Variants in ATP8B4 observed in about 807,000 individuals in gnomAD.
The protein encoded by ATP8B4 is ATPase phospholipid transporting 8B4 (putative).
A neutral mutation model predicts 145.6 loss-of-function variants in ATP8B4; 133 were observed. The ratio of observed to expected loss-of-function variants is 0.91; its 90% confidence interval spans 0.79 to 1.05. The LOEUF (loss-of-function observed/expected upper bound fraction) is 1.05. Among genes scored for constraint, ATP8B4 ranks in the 50% least tolerant of loss-of-function variants. The pLI, the probability that ATP8B4 is intolerant of heterozygous loss-of-function variation, is 0.00. For missense variants in ATP8B4, 1,458 were observed against 1,425.2 expected, an observed-to-expected ratio of 1.02 and a Z score of -0.37; for synonymous variants, 507 against 492.9, an observed-to-expected ratio of 1.03 and a Z score of -0.38.
Position 49,972,580 on chromosome 15 carries a change from A to G in ATP8B4, c.1243+2T>C. The G allele has an allele frequency of 6.2e-7, 1 of 1,610,568 alleles. No homozygotes were observed. Among genetic ancestry groups the G allele is most frequent in the African/African-American group, 1.3e-5 (1 of 74,940 alleles). On this transcript the variant is annotated splice_donor_variant, in intron 13 of 27. Coordinates refer to ENST00000284509, the MANE Select transcript of ATP8B4 (RefSeq NM_024837.4). LOFTEE classifies it high-confidence loss of function. ...TTAAGAGAAAGGAACTGTTTCTCTT[A>G]CCATAGATTCTCCCATTAATGGAAC...
chr15:50,007,728 C>T (rs930740589), intron 7 of ATP8B4, among the ~76,000 whole-genome samples: 1 of 152,118 alleles, frequency 6.6e-6, no homozygotes, highest in Admixed American at 6.5e-5. Flanking sequence ...CGAATATAAG[C>T]TCTCTGAAGC....
At chr15:50,019,983 A>ATT (rs1488119944) in intron 6 of ATP8B4, among the ~76,000 whole-genome samples, 1 of 151,384 alleles carries the variant, frequency 6.6e-6, no homozygotes, top group African/African-American at 2.4e-5. Flanking sequence ...TTTTTTTTGA[A>ATT]ACAGGGTCTC....
At chr15:50,115,148 C>T (rs2057126349) in intron 1 of ATP8B4, among the ~76,000 whole-genome samples, 1 of 152,102 alleles carries the variant, frequency 6.6e-6, no homozygotes, top group Admixed American at 6.5e-5. Flanking sequence ...AGTTTGAGAC[C>T]AGTCTGGGAA....
At chr15:49,893,194 T>C (rs1035848170) in intron 23 of ATP8B4, among the ~76,000 whole-genome samples, 1 of 152,214 alleles carries the variant, frequency 6.6e-6, no homozygotes. Flanking sequence ...TGGAGTCAAA[T>C]ATAGTAGTGT....
In ATP8B4 at chr15:49,858,690, G is replaced by C. The variant is rs552870917; in HGVS notation, c.*1504C>G. On this transcript the variant is annotated 3_prime_UTR_variant, in exon 28 of 28. Transcript: ENST00000284509. Reference sequence around the variant, plus strand: ...GATGCTTTATTTTTGCTTTCTGGTAGAGAAATGTACCTCCACGGTTATAAT... The same window carrying C: ...GATGCTTTATTTTTGCTTTCTGGTACAGAAATGTACCTCCACGGTTATAAT... 6.6e-6 allele frequency: 1 copy of C among 152,200 alleles called. No homozygotes were observed. The highest frequency in any genetic ancestry group is 1.5e-5 in the Non-Finnish European group (1 of 68,028). The allele number at this position is 152,200 out of a possible 1,614,324, so 9.4% of individuals were successfully genotyped here. A position where few individuals can be genotyped will look rare whatever the true frequency, so the allele number is the denominator to read the frequency against.
intron 18 of ATP8B4, 148 bp downstream of exon 18, chr15:49,920,098 G>T: frequency 9.1e-7 from 1 of 1,100,038 alleles, no homozygotes; most frequent in Non-Finnish European, 1.3e-6. Context: ...AAAACTCAAA[G>T]CCAACATATA....
chr15:50,044,595 T>C lies in ATP8B4; in HGVS notation c.299A>G (p.Tyr100Cys), dbSNP rs2051576079. The C allele has an allele frequency of 6.2e-7, 1 of 1,601,108 alleles. No individual in the cohort carries two copies. The highest frequency in any genetic ancestry group is 8.6e-7 in the Non-Finnish European group (1 of 1,169,150). Residue 100 changes from tyrosine (Y) to cysteine (C), a missense_variant and splice_region_variant, in exon 5 of 28, where the codon TAT (tyrosine) becomes TGT (cysteine). Coordinates refer to ENST00000284509, the MANE Select transcript of ATP8B4 (RefSeq NM_024837.4). ...MTAVKDATDD[Y>C]FRHKSDNQVN... ...GAATGCTCAAGAGCAAATACTCACATAGTCATCTGTGGCATCTTTGACAGC... is the reference window on the plus strand; with the variant it reads ...GAATGCTCAAGAGCAAATACTCACACAGTCATCTGTGGCATCTTTGACAGC...
intron 3 of ATP8B4, among the ~76,000 whole-genome samples, chr15:50,059,376 C>A (rs2052841076): frequency 6.6e-6 from 1 of 152,142 alleles, no homozygotes; most frequent in Admixed American, 6.6e-5. Context: ...TTCTAAGTAC[C>A]AGGCTTCAGG....
At chr15:50,024,105 C>T (rs1233248964) in intron 6 of ATP8B4, among the ~76,000 whole-genome samples, 1 of 152,160 alleles carries the variant, frequency 6.6e-6, no homozygotes, top group East Asian at 1.9e-4. Context: ...AGTTATGCAT[C>T]TAGCAGTTTA....
chr15:49,901,607 AT>A (rs1435692305), intron 20 of ATP8B4, among the ~76,000 whole-genome samples: 8 of 152,232 alleles, frequency 5.3e-5, no homozygotes, highest in African/African-American at 1.4e-4. Context: ...ATGCTGTTAA[AT>A]AATGGAAAGC....
chr15:50,069,073 A>C (rs2053563867), intron 3 of ATP8B4, among the ~76,000 whole-genome samples: 1 of 152,126 alleles, frequency 6.6e-6, no homozygotes, highest in African/African-American at 2.4e-5. Context: ...TCTATTATTC[A>C]TTCCTATTAT....
At chr15:50,109,947 A>G (rs1472698622) in intron 1 of ATP8B4, among the ~76,000 whole-genome samples, 1 of 152,188 alleles carries the variant, frequency 6.6e-6, no homozygotes, top group Non-Finnish European at 1.5e-5. Context: ...AAGCAATGTC[A>G]TATTCTTCCA....
intron 1 of ATP8B4, among the ~76,000 whole-genome samples, chr15:50,171,761 A>T (rs555260940): frequency 2.0e-5 from 3 of 152,174 alleles, no homozygotes; most frequent in Admixed American, 1.3e-4. Flanking sequence ...TACAAAGAAT[A>T]CATGAAACAA....
intron 2 of ATP8B4, among the ~76,000 whole-genome samples, chr15:50,085,877 T>TTATATATTTATATATGATATATATAA (rs1567330279): frequency 2.9e-5 from 1 of 34,720 alleles, no homozygotes; most frequent in East Asian, 1.0e-3. Context: ...TCATATATAT[T>TTATATATTTATATATGATATATATAA]TATATATTTA....
At chr15:50,081,363 T>C (rs1026897070) in intron 2 of ATP8B4, among the ~76,000 whole-genome samples, 13 of 151,980 alleles carry the variant, frequency 8.6e-5, no homozygotes, top group Non-Finnish European at 1.9e-4. Flanking sequence ...AAATAGTAAA[T>C]GGGCAAAAAA....
chr15:49,953,194 C>T (rs1213320137), intron 14 of ATP8B4, among the ~76,000 whole-genome samples: 7 of 151,794 alleles, frequency 4.6e-5, no homozygotes, highest in Non-Finnish European at 8.8e-5. Context: ...AGCTGGGTGG[C>T]ATGGGGAGCA....
At chr15:50,009,453 G>T (rs985751019) in intron 7 of ATP8B4, 5 of 252,770 alleles carry the variant, frequency 2.0e-5, no homozygotes, top group Non-Finnish European at 3.2e-5. Context: ...AGCATGGAAC[G>T]GATTTTTGAG....
At chr15:49,874,736 C>A (rs1199764892) in intron 25 of ATP8B4, among the ~76,000 whole-genome samples, 1 of 152,106 alleles carries the variant, frequency 6.6e-6, no homozygotes, top group African/African-American at 2.4e-5. Flanking sequence ...CAAGAAGTCA[C>A]TTGAAGCTTT....
At chr15:50,146,770 A>G (rs2044282730) in intron 1 of ATP8B4, among the ~76,000 whole-genome samples, 1 of 152,226 alleles carries the variant, frequency 6.6e-6, no homozygotes, top group East Asian at 1.9e-4. Flanking sequence ...AAGGGGAAAC[A>G]GGGATCCTCC....
Sources: allele counts gnomAD v4.1 joint callset (sites outside exome capture counted in the v4.1 genomes callset), GRCh38; gene constraint gnomAD v4.1.1; transcripts MANE v1.5; gene names NCBI Gene and HGNC (gene_info 2026-07-23, HGNC 2026-07-21).